Variants in AVL9 observed in about 807,000 individuals in gnomAD.
AVL9 encodes the protein late secretory pathway protein AVL9 homolog.
Under a neutral mutation model 79.2 loss-of-function variants are expected in AVL9, and 49 were observed. The observed-to-expected ratio is 0.62, with a 90% CI of 0.49 to 0.79. The LOEUF (loss-of-function observed/expected upper bound fraction) is 0.79, where lower values mean the gene tolerates loss of function less well. Ranked by LOEUF, AVL9 falls within the 30% of genes least tolerant of loss-of-function variation. AVL9 has a pLI of 0.00. For missense variants in AVL9, 682 were observed against 776.8 expected (o/e 0.88, Z 1.45); for synonymous variants, 299 against 280.6 (o/e 1.07, Z -0.65).
chr7:32,497,574 C>T (rs985711687), intron 1 of AVL9, among the ~76,000 whole-genome samples: 3 of 151,836 alleles, frequency 2.0e-5, no homozygotes, highest in Admixed American at 6.6e-5. Context: ...TGACTTAACA[C>T]GGTTTTAACT....
intron 1 of AVL9, among the ~76,000 whole-genome samples, chr7:32,513,010 T>A (rs7788809): frequency 0.16 from 22,697 of 137,950 alleles, 1,701 homozygotes; most frequent in East Asian, 0.2. Context: ...ACTTCGCAGA[T>A]GTTCCCTTTC....
intron 1 of AVL9, among the ~76,000 whole-genome samples, chr7:32,498,125 T>C (rs1786941312): frequency 6.6e-6 from 1 of 152,168 alleles, no homozygotes. Context: ...GACATGGACC[T>C]CAAAGTAAAA....
At chr7:32,501,518 G>A (rs1787125025) in intron 1 of AVL9, among the ~76,000 whole-genome samples, 1 of 152,160 alleles carries the variant, frequency 6.6e-6, no homozygotes, top group African/African-American at 2.4e-5. Flanking sequence ...TTTTGGCCAT[G>A]CTTTTTGTAT....
chr7:32,580,901 C>T lies in AVL9; in HGVS notation c.1831+11C>T. 1 of 1,607,104 alleles carries T rather than the reference C, an allele frequency of 6.2e-7. No homozygotes were observed. Among genetic ancestry groups the T allele is most frequent in the Non-Finnish European group, 8.5e-7 (1 of 1,174,694 alleles). ...CAGGAAAAGCTGTTGGTAAGACATG[C>T]CTTTAGCCAGGAACAAATTGGAATC... On this transcript the variant is annotated intron_variant, in intron 15 of 15. Coordinates refer to ENST00000318709, the MANE Select transcript of AVL9 (RefSeq NM_015060.3).
intron 11 of AVL9, among the ~76,000 whole-genome samples, chr7:32,570,689 G>A (rs918819561): frequency 3.3e-5 from 5 of 150,208 alleles, no homozygotes; most frequent in African/African-American, 7.3e-5. Flanking sequence ...GCGCGATCTC[G>A]GCTCCATGCA....
chr7:32,503,367 TATATATACACAC>T (rs1416862475), intron 1 of AVL9, among the ~76,000 whole-genome samples: 2 of 88,300 alleles, frequency 2.3e-5, no homozygotes, highest in African/African-American at 9.1e-5. Context: ...GAGAGATATA[TATATATACACAC>T]ACACACACAC....
intron 1 of AVL9, among the ~76,000 whole-genome samples, chr7:32,514,465 G>A (rs138904323): frequency 0.017 from 2,620 of 152,264 alleles, 30 homozygotes; most frequent in Non-Finnish European, 0.027. Flanking sequence ...CCAAGCCATC[G>A]CATCCCCTGT....
chr7:32,518,332 C>T (rs4723165), intron 1 of AVL9, among the ~76,000 whole-genome samples: 16,510 of 151,720 alleles, frequency 0.11, 999 homozygotes, highest in Middle Eastern at 0.15. Context: ...AATAGGTAAA[C>T]GATTAAAATA....
chr7:32,501,062 T>C (rs1192782350), intron 1 of AVL9, among the ~76,000 whole-genome samples: 2 of 152,212 alleles, frequency 1.3e-5, no homozygotes, highest in Non-Finnish European at 2.9e-5. Flanking sequence ...AAATGGCAGA[T>C]TTTCCTGTTG....
chr7:32,551,854 T>C (rs1300417948), intron 5 of AVL9, among the ~76,000 whole-genome samples: 1 of 152,160 alleles, frequency 6.6e-6, no homozygotes, highest in African/African-American at 2.4e-5. Flanking sequence ...CTGCCATTCA[T>C]GTAAAGAATA....
chr7:32,570,367 G>A (rs1429602564), intron 11 of AVL9, among the ~76,000 whole-genome samples: 1 of 152,140 alleles, frequency 6.6e-6, no homozygotes, highest in Non-Finnish European at 1.5e-5. Context: ...TACCTGCAGA[G>A]GCTAAGTAAC....
chr7:32,503,333 T>TATATATAG (rs1787233148), intron 1 of AVL9, among the ~76,000 whole-genome samples: 1 of 102,594 alleles, frequency 9.7e-6, no homozygotes, highest in African/African-American at 3.8e-5. Flanking sequence ...TATATATATA[T>TATATATAG]CTATATATAT....
In AVL9 at chr7:32,559,249, T is replaced by C; in HGVS notation, c.1000T>C (p.Leu334=). ...PDSSESDWET[L]DPSVLEDPNL... ...TTCTTCAGAAAGTGACTGGGAAACTTTGGATCCTAGTGTCTTAGAGGACCC... is the reference window on the plus strand; with the variant it reads ...TTCTTCAGAAAGTGACTGGGAAACTCTGGATCCTAGTGTCTTAGAGGACCC... The change falls in exon 10 of 16, where the codon TTG becomes CTG. Residue 334 remains leucine, a synonymous_variant. Transcript: ENST00000318709. 6.2e-7 allele frequency: 1 copy of C among 1,614,172 alleles called. No individual in the cohort carries two copies. Among genetic ancestry groups the C allele is most frequent in the Non-Finnish European group, 8.5e-7 (1 of 1,180,026 alleles).
chr7:32,544,418 C>T (rs180901631), intron 2 of AVL9, among the ~76,000 whole-genome samples: 14 of 152,254 alleles, frequency 9.2e-5, no homozygotes, highest in Non-Finnish European at 1.6e-4. Flanking sequence ...TCATCTAGAA[C>T]GATTCCCTAA....
At chr7:32,522,640 G>T (rs903251858) in intron 1 of AVL9, among the ~76,000 whole-genome samples, 3 of 152,148 alleles carry the variant, frequency 2.0e-5, no homozygotes, top group African/African-American at 7.2e-5. Flanking sequence ...TTAGGTTAAT[G>T]CTGAAATGAG....
intron 6 of AVL9, among the ~76,000 whole-genome samples, chr7:32,552,548 C>T (rs1454502199): frequency 6.6e-6 from 1 of 151,596 alleles, no homozygotes; most frequent in African/African-American, 2.4e-5. Flanking sequence ...GACAAACTAC[C>T]TCAATTATCA....
In AVL9 at chr7:32,580,742, CGT is replaced by C. The variant is rs1004110505; in HGVS notation, c.1743-54_1743-53del. 6.1e-6 allele frequency: 7 copies of C among 1,139,946 alleles called. No individual in the cohort carries two copies. The African/African-American group carries it at 7.6e-5, about 12-fold the overall frequency. 70.6% of individuals were successfully genotyped at this position (1,139,946 alleles called of 1,614,324 possible). On this transcript the variant is annotated intron_variant, in intron 14 of 15. Coordinates refer to ENST00000318709, the MANE Select transcript of AVL9 (RefSeq NM_015060.3). ...GTGTGTGTCTATATGTGTCTGTGTG[CGT>C]GTGTGAGATTTTTTTAAAATTGTAC...
At position 32,584,010 on chromosome 7, in the gene AVL9, T is replaced by G. The variant is rs765400453; in HGVS notation, c.*103T>G. 3 of 801,202 alleles carry G rather than the reference T, an allele frequency of 3.7e-6. No homozygotes were observed. In the African/African-American group the frequency reaches 5.1e-5, roughly 14 times the overall value. The allele number at this position is 801,202 out of a possible 1,614,324, so 49.6% of individuals were successfully genotyped here. A position where few individuals can be genotyped will look rare whatever the true frequency, so the allele number is the denominator to read the frequency against. On this transcript the variant is annotated 3_prime_UTR_variant, in exon 16 of 16. Coordinates refer to ENST00000318709, the MANE Select transcript of AVL9 (RefSeq NM_015060.3). ...GCCACAGATCCACAGCAGGGGACCA[T>G]ATGTCGAACTGTTTACATGGATGTT...
intron 15 of AVL9, 28 bp from the exon 16 acceptor site, chr7:32,583,764 T>G (rs6462384): frequency 7.0e-7 from 1 of 1,419,220 alleles, no homozygotes; most frequent in African/African-American, 1.4e-5. Flanking sequence ...AAGACATTTT[T>G]CCTTTTGTTT....
Sources: gnomAD v4.1 joint callset for allele counts (sites outside exome capture counted in the v4.1 genomes callset) on GRCh38, gnomAD v4.1.1 for gene constraint, MANE v1.5 for transcripts, NCBI Gene and HGNC (gene_info 2026-07-23, HGNC 2026-07-21) for gene names.